CDH20: variants seen among roughly 807,000 people sequenced by gnomAD.
CDH20 encodes the protein cadherin-20.
CDH20 carries 29 observed loss-of-function variants against 74.2 expected under a neutral mutation model. The observed-to-expected ratio is 0.39, with a 90% CI of 0.29 to 0.53. The LOEUF (loss-of-function observed/expected upper bound fraction) is 0.53. Among genes scored for constraint, CDH20 ranks in the 20% least tolerant of loss-of-function variants. The pLI, the probability that CDH20 is intolerant of heterozygous loss-of-function variation, is 0.69. For missense variants in CDH20, 988 were observed against 1,048.3 expected (o/e 0.94, Z 0.79); for synonymous variants, 469 against 405.4 (o/e 1.16, Z -1.88).
chr18:61,555,542 T>C lies in CDH20; in HGVS notation c.*847T>C, dbSNP rs913320172. 1 of 985,242 alleles carries C rather than the reference T, an allele frequency of 1.0e-6. No homozygotes were observed. The highest frequency in any genetic ancestry group is 6.2e-5 in the Admixed American group (1 of 16,256). The allele number at this position is 985,242 out of a possible 1,614,324, so 61.0% of individuals were successfully genotyped here. On this transcript the variant is annotated 3_prime_UTR_variant, in exon 12 of 12. Transcript: ENST00000262717. ...AAATGAAAGCCAAATAAAAAAGAAG[T>C]ATCTGACAAAAGCATGGGTTAGAGG...
rs200657377 is a variant in CDH20, at chr18:61,549,995, C to T, written c.1666C>T (p.Leu556=). Residue 556 remains leucine, a synonymous_variant, in exon 11 of 12, where the codon CTA becomes TTA. Transcript: ENST00000262717. ...RDNQDNTARI[L]TRRSGFRQQE... is the part of the protein sequence containing the mutation. ...TCTTTCAGATAACACAGCACGGATT[C>T]TAACCAGGAGGTCTGGTTTCCGGCA... 6.2e-7 allele frequency: 1 copy of T among 1,614,078 alleles called. No individual in the cohort carries two copies. Among genetic ancestry groups the T allele is most frequent in the Non-Finnish European group, 8.5e-7 (1 of 1,179,950 alleles).
intron 7 of CDH20, among the ~76,000 whole-genome samples, chr18:61,535,128 C>T (rs1343080942): frequency 6.6e-6 from 1 of 151,930 alleles, no homozygotes; most frequent in African/African-American, 2.4e-5. Context: ...CCCGACTGGC[C>T]AACGTGGCAA....
intron 1 of CDH20, among the ~76,000 whole-genome samples, chr18:61,478,704 T>A (rs1353811860): frequency 6.6e-6 from 1 of 152,126 alleles, no homozygotes; most frequent in East Asian, 1.9e-4. Flanking sequence ...ACCAACTTAG[T>A]GAAGAAGTCT....
intron 1 of CDH20, among the ~76,000 whole-genome samples, chr18:61,355,826 CA>C (rs1300708523): frequency 6.6e-6 from 1 of 151,886 alleles, no homozygotes; most frequent in Non-Finnish European, 1.5e-5. Flanking sequence ...AAAAATTGGG[CA>C]AAAAATCCAT....
chr18:61,502,059 C>T (rs1332466642), intron 4 of CDH20, among the ~76,000 whole-genome samples: 2 of 152,052 alleles, frequency 1.3e-5, no homozygotes, highest in African/African-American at 2.4e-5. Flanking sequence ...GTTCCCAGTC[C>T]CTTCCATTTT....
At chr18:61,524,496 G>A (rs1912317156) in intron 6 of CDH20, among the ~76,000 whole-genome samples, 1 of 152,102 alleles carries the variant, frequency 6.6e-6, no homozygotes, top group Non-Finnish European at 1.5e-5. Flanking sequence ...AAACCTCTAT[G>A]TAAATATTAA....
At chr18:61,514,527 G>T (rs1320329871) in intron 6 of CDH20, among the ~76,000 whole-genome samples, 2 of 151,946 alleles carry the variant, frequency 1.3e-5, no homozygotes, top group African/African-American at 4.8e-5. Context: ...ATCCAGCTTT[G>T]TTCCGTTGCT....
chr18:61,359,393 T>G (rs1314867663), intron 1 of CDH20, among the ~76,000 whole-genome samples: 1 of 148,828 alleles, frequency 6.7e-6, no homozygotes, highest in Non-Finnish European at 1.5e-5. Context: ...AAAAAAAAAA[T>G]AAAATAAAAA....
At chr18:61,438,731 C>T (rs1908919591) in intron 1 of CDH20, among the ~76,000 whole-genome samples, 1 of 152,102 alleles carries the variant, frequency 6.6e-6, no homozygotes, top group African/African-American at 2.4e-5. Context: ...AACTACCATT[C>T]AACCCAGCAA....
intron 2 of CDH20, among the ~76,000 whole-genome samples, chr18:61,497,934 T>C (rs570190915): frequency 3.7e-4 from 56 of 152,266 alleles, no homozygotes; most frequent in African/African-American, 1.3e-3. Flanking sequence ...AACTAACTGT[T>C]TTGTTACCAC....
rs529972013 is a variant in CDH20, at chr18:61,477,593, A to T, written c.-152-12809A>T. 5.9e-5 allele frequency among the ~76,000 whole-genome samples: 9 copies of T among 152,320 alleles called. No individual in the cohort carries two copies. The South Asian group carries it at 1.9e-3, about 32-fold the overall frequency. ...TTGCATAGTATTCCGATGCATGAGT[A>T]TGTCATAATGTTTAGAATCATCTAT... On this transcript the variant is annotated intron_variant, in intron 1 of 11. Coordinates refer to ENST00000262717, the MANE Select transcript of CDH20 (RefSeq NM_031891.4).
At chr18:61,397,474 C>T (rs368929896) in intron 1 of CDH20, among the ~76,000 whole-genome samples, 10 of 152,132 alleles carry the variant, frequency 6.6e-5, no homozygotes, top group East Asian at 3.9e-4. Context: ...TCAGGGCTCC[C>T]GGGCTGGCTC....
At chr18:61,395,208 C>T (rs1911924363) in intron 1 of CDH20, among the ~76,000 whole-genome samples, 1 of 152,114 alleles carries the variant, frequency 6.6e-6, no homozygotes, top group African/African-American at 2.4e-5. Context: ...GCTCTGGAGC[C>T]AGGCTGTCTG....
At chr18:61,511,695 C>T (rs1270165170) in intron 6 of CDH20, among the ~76,000 whole-genome samples, 2 of 152,160 alleles carry the variant, frequency 1.3e-5, no homozygotes, top group Non-Finnish European at 2.9e-5. Context: ...TTACCTGTAA[C>T]AACTCTGTCT....
rs530631222 is a variant in CDH20, at chr18:61,361,842, T to C, written c.-153+28015T>C. On this transcript the variant is annotated intron_variant, in intron 1 of 11. Coordinates refer to ENST00000262717, the MANE Select transcript of CDH20 (RefSeq NM_031891.4). Reference sequence around the variant, plus strand: ...TTAGAAAATAAAACCAGCCGTTCCATAAGAACCAATGATACAAGATGCCCT... The same window carrying C: ...TTAGAAAATAAAACCAGCCGTTCCACAAGAACCAATGATACAAGATGCCCT... Among the ~76,000 whole-genome samples, 10 of 152,312 alleles carry C rather than the reference T, an allele frequency of 6.6e-5. No homozygotes were observed. The South Asian group carries it at 2.1e-3, about 32-fold the overall frequency.
rs967458042 is a variant in CDH20 at position 61,536,505 on chromosome 18, T to C, written c.1284T>C (p.Asp428=). Residue 428 remains aspartate (D), a synonymous_variant, in exon 8 of 12, where the codon GAT becomes GAC. Coordinates refer to ENST00000262717, the MANE Select transcript of CDH20 (RefSeq NM_031891.4). ...VTNNSIRYSI[D]RSSDPGRFFY... is the part of the protein sequence containing the mutation. ...CATGTTTCTGCAGATACTCCATTGATAGAAGCAGTGACCCTGGAAGATTTT... is the reference window on the plus strand; with the variant it reads ...CATGTTTCTGCAGATACTCCATTGACAGAAGCAGTGACCCTGGAAGATTTT... 7 of 1,613,646 alleles carry C rather than the reference T, an allele frequency of 4.3e-6. No individual in the cohort carries two copies. The Admixed American group carries it at 6.7e-5, about 15-fold the overall frequency.
At chr18:61,422,714 A>G (rs1912926582) in intron 1 of CDH20, among the ~76,000 whole-genome samples, 1 of 151,636 alleles carries the variant, frequency 6.6e-6, no homozygotes, top group Non-Finnish European at 1.5e-5. Context: ...AGTATACAAT[A>G]TAAAGAGAAC....
At chr18:61,455,722 G>C (rs1312489232) in intron 1 of CDH20, among the ~76,000 whole-genome samples, 1 of 152,132 alleles carries the variant, frequency 6.6e-6, no homozygotes, top group Non-Finnish European at 1.5e-5. Flanking sequence ...TCTTCTAAGA[G>C]ATTCTACAAG....
chr18:61,437,442 T>C (rs1176119051), intron 1 of CDH20, among the ~76,000 whole-genome samples: 1 of 152,196 alleles, frequency 6.6e-6, no homozygotes, highest in Non-Finnish European at 1.5e-5. Flanking sequence ...GTATAATATA[T>C]GGAACTTAAA....
Sources: gnomAD v4.1 joint callset for allele counts (sites outside exome capture counted in the v4.1 genomes callset) on GRCh38, gnomAD v4.1.1 for gene constraint, MANE v1.5 for transcripts, NCBI Gene and HGNC (gene_info 2026-07-23, HGNC 2026-07-21) for gene names.